The following FAM153A variants were observed in gnomAD, a reference collection of about 807,000 sequenced individuals.
The protein encoded by FAM153A is family with sequence similarity 153 member A.
In FAM153A, 12 loss-of-function variants were observed where a neutral mutation model predicts 48.1. That is an observed-to-expected ratio of 0.25 (90% CI 0.16 to 0.40). The LOEUF is 0.40. FAM153A is among the 10% of genes least tolerant of loss of function. The probability of loss-of-function intolerance (pLI) is 1.00; values close to 1 mark genes in which losing one functional copy is unlikely to be tolerated. For synonymous variants in FAM153A, 36 were observed against 118.2 expected (o/e 0.30, Z 4.51); for missense variants, 111 against 345.8 (o/e 0.32, Z 5.38).
Position 177,737,766 on chromosome 5 carries a change from C to G in FAM153A, c.563-654G>C, listed in dbSNP as rs1326656671. ...AACGCCTGACCTCAGGTGATCCACC[C>G]GTCTTGGCCCCCCAAACTGCTGGAA... On this transcript the variant is annotated intron_variant, in intron 10 of 20. Transcript: ENST00000614127. 5.3e-5 allele frequency among the ~76,000 whole-genome samples: 8 copies of G among 151,662 alleles called. 3 individuals are homozygous for G. The highest frequency in any genetic ancestry group is 2.0e-4 in the African/African-American group (8 of 40,988).
the FAM153A span, among the ~76,000 whole-genome samples, chr5:177,695,910 ACAGGG>A: frequency 3.8e-4 from 43 of 113,228 alleles, no homozygotes; most frequent in African/African-American, 1.7e-3. Context: ...CACTTCCCAG[ACAGGG>A]TGGCCGGGCA....
At chr5:177,768,527 AC>A (rs1166038122) in intron 1 of FAM153A, among the ~76,000 whole-genome samples, 2 of 137,554 alleles carry the variant, frequency 1.5e-5, no homozygotes, top group African/African-American at 5.7e-5. Context: ...ATACAAAAAA[AC>A]ATCACTTTGG....
chr5:177,727,157 C>A (rs907857847), intron 18 of FAM153A, among the ~76,000 whole-genome samples: 2 of 149,444 alleles, frequency 1.3e-5, no homozygotes, highest in African/African-American at 2.5e-5. Flanking sequence ...CTGCTGTGAT[C>A]TGATCATTCA....
intron 1 of FAM153A, among the ~76,000 whole-genome samples, chr5:177,764,241 C>A (rs1306985561): frequency 6.7e-6 from 1 of 149,388 alleles, no homozygotes; most frequent in African/African-American, 2.5e-5. Flanking sequence ...TTGGGCCTGT[C>A]CCCATGAGGA....
intron 18 of FAM153A, among the ~76,000 whole-genome samples, chr5:177,725,748 C>G (rs1762312642): frequency 6.6e-6 from 1 of 151,780 alleles, no homozygotes; most frequent in Non-Finnish European, 1.5e-5. Flanking sequence ...AGGCTCTGCC[C>G]TGGGCCCAGT....
chr5:177,739,068 C>T, intron 10 of FAM153A, 45 bp downstream of exon 12: 1 of 1,607,098 alleles, frequency 6.2e-7, no homozygotes, highest in Non-Finnish European at 8.5e-7. Context: ...CCTTTCTCAA[C>T]ACTAAGATTT....
chr5:177,733,207 G>GAACTGCAGC (rs1157009831), intron 14 of FAM153A, among the ~76,000 whole-genome samples: 1 of 112,152 alleles, frequency 8.9e-6, no homozygotes, highest in Non-Finnish European at 1.8e-5. Context: ...GGTATGTGCT[G>GAACTGCAGC]AACTGCAGCA....
At chr5:177,699,409 CT>C in the FAM153A span, among the ~76,000 whole-genome samples, 2 of 151,596 alleles carry the variant, frequency 1.3e-5, no homozygotes, top group African/African-American at 4.9e-5. Flanking sequence ...GAAGTTGGTT[CT>C]TTGAAAATAT....
chr5:177,754,204 C>T (rs567795411), upstream of FAM153A, among the ~76,000 whole-genome samples: 13 of 152,142 alleles, frequency 8.5e-5, no homozygotes, highest in Admixed American at 7.2e-4. Context: ...GCACCTGGCT[C>T]GGAGGGTCCT....
downstream of FAM153A, among the ~76,000 whole-genome samples, chr5:177,704,815 C>T (rs1294543895): frequency 4.6e-5 from 7 of 151,550 alleles, 1 homozygote; most frequent in Admixed American, 2.0e-4. Context: ...GCCTGGGCAA[C>T]ACACTGAAAC....
At chr5:177,721,524 AC>A (rs1761027166), downstream of FAM153A, among the ~76,000 whole-genome samples, 1 of 113,590 alleles carries the variant, frequency 8.8e-6, no homozygotes, top group East Asian at 3.0e-4. Flanking sequence ...ACGTTAATAA[AC>A]TTTTCTTTTT....
At chr5:177,696,193 C>T in the FAM153A span, among the ~76,000 whole-genome samples, 1 of 107,164 alleles carries the variant, frequency 9.3e-6, no homozygotes, top group African/African-American at 3.6e-5. Context: ...ATGGGGCGGC[C>T]GGGCAGAGGC....
chr5:177,700,202 G>T, the FAM153A span, among the ~76,000 whole-genome samples: 1 of 151,914 alleles, frequency 6.6e-6, no homozygotes. Flanking sequence ...CCCAACCCAT[G>T]AAAGGGTATC....
intron 1 of FAM153A, among the ~76,000 whole-genome samples, chr5:177,764,876 C>G (rs1279687377): frequency 2.2e-5 from 3 of 138,624 alleles, no homozygotes; most frequent in Admixed American, 7.4e-5. Flanking sequence ...CAAGGTTCGG[C>G]CAAGTGACAG....
chr5:177,739,619 C>T (rs1297757370), exon 9 of FAM153A: 1 of 633,698 alleles, frequency 1.6e-6, no homozygotes, highest in Admixed American at 3.7e-5. Context: ...AGTGAGGAGA[C>T]TCTGATTGGA....
downstream of FAM153A, chr5:177,722,024 G>A (rs1761138510): frequency 6.6e-6 from 1 of 151,164 alleles, no homozygotes; most frequent in Non-Finnish European, 1.5e-5. Flanking sequence ...CAGAAAGAAT[G>A]AAAACAATTG....
At chr5:177,716,395 G>C (rs1759798261) in exon 25 of FAM153A, 1 of 151,858 alleles carries the variant, frequency 6.6e-6, no homozygotes, top group Admixed American at 6.6e-5. Flanking sequence ...ATCAGAACTT[G>C]AGAACTTCTT....
chr5:177,696,707 C>T, the FAM153A span, among the ~76,000 whole-genome samples: 2 of 150,856 alleles, frequency 1.3e-5, no homozygotes, highest in Non-Finnish European at 2.9e-5. Flanking sequence ...TGCTCTGTTG[C>T]CTAGGCTGGA....
chr5:177,729,266 A>T lies in FAM153A; in HGVS notation c.934-213T>A, dbSNP rs1186657344. ...TCCAAATTCTTCTCAAGAAGAAGGAATTTCTCTTAAGGAAAATGCCTGTTG... is the reference window on the plus strand; with the variant it reads ...TCCAAATTCTTCTCAAGAAGAAGGATTTTCTCTTAAGGAAAATGCCTGTTG... On this transcript the variant is annotated intron_variant, in intron 17 of 20. Coordinates refer to ENST00000614127, the Ensembl canonical transcript of FAM153A. 7.5e-5 allele frequency among the ~76,000 whole-genome samples: 9 copies of T among 120,370 alleles called. 2 individuals are homozygous for T. The highest frequency in any genetic ancestry group is 2.5e-4 in the African/African-American group (9 of 36,268). 79.0% of individuals were successfully genotyped at this position (120,370 alleles called of 152,430 possible).
Sources: gnomAD v4.1 joint callset for allele counts (sites outside exome capture counted in the v4.1 genomes callset) on GRCh38, gnomAD v4.1.1 for gene constraint, MANE v1.5 for transcripts, NCBI Gene and HGNC (gene_info 2026-07-23, HGNC 2026-07-21) for gene names.